MSL1: variants seen among roughly 807,000 people sequenced by gnomAD.
The protein encoded by MSL1 is male-specific lethal 1 homolog.
Under a neutral mutation model 64.6 loss-of-function variants are expected in MSL1, and 21 were observed. The ratio of observed to expected loss-of-function variants is 0.33; its 90% CI spans 0.23 to 0.47. MSL1 has a LOEUF of 0.47. Among genes scored for constraint, MSL1 ranks in the 20% least tolerant of loss-of-function variants. The probability of loss-of-function intolerance (pLI) is 1.00; values close to 1 mark genes in which losing one functional copy is unlikely to be tolerated. For synonymous variants in MSL1, 339 were observed against 329.6 expected (o/e 1.03, Z -0.31); for missense variants, 664 against 793.2 (o/e 0.84, Z 1.96).
chr17:40,133,596 A>G lies in MSL1; in HGVS notation c.1619A>G (p.Lys540Arg). 6.2e-7 allele frequency: 1 copy of G among 1,613,204 alleles called. No individual in the cohort carries two copies. The highest frequency in any genetic ancestry group is 1.1e-5 in the South Asian group (1 of 90,918). The change falls in exon 7 of 9, where the codon AAA (lysine) becomes AGA (arginine). Residue 540 changes from lysine (K) to arginine (R), a missense_variant. Physicochemically the swap from Lys to Arg is conservative, Grantham distance 26. This residue lies in a region of MSL1 where 76 missense variants were observed against 98.5 expected (regional missense o/e 0.77). Coordinates refer to ENST00000398532, the MANE Select transcript of MSL1 (RefSeq NM_001365919.1). ...CAGCGACTGCAGCTCAGAATGTATAAAAAGAAAGGAATTCAGGAATCTGAG... is the reference window on the plus strand; with the variant it reads ...CAGCGACTGCAGCTCAGAATGTATAGAAAGAAAGGAATTCAGGAATCTGAG... ...ILQRLQLRMY[K>R]KKGIQESEPE... is the part of the protein sequence containing the mutation.
intron 3 of MSL1, chr17:40,129,866 G>A: frequency 2.1e-6 from 1 of 468,888 alleles, no homozygotes; most frequent in Non-Finnish European, 3.7e-6. Context: ...TTGCCAGTAA[G>A]TTGCTCATCA....
At chr17:40,125,928 C>T (rs926226057) in intron 1 of MSL1, among the ~76,000 whole-genome samples, 2 of 152,196 alleles carry the variant, frequency 1.3e-5, no homozygotes, top group Non-Finnish European at 2.9e-5. Context: ...GAGGATCTCC[C>T]TACAGAAGAA....
chr17:40,125,598 G>A (rs1366107103), intron 1 of MSL1, among the ~76,000 whole-genome samples: 1 of 152,154 alleles, frequency 6.6e-6, no homozygotes, highest in East Asian at 1.9e-4. Context: ...GGACCACGAG[G>A]TCAAGAGATA....
Position 40,126,417 on chromosome 17 carries a change from A to AACTTTGTT in MSL1, c.992+12_992+19dup, listed in dbSNP as rs1567668774. ...AAAGGGACATAAAAGGTGTGCTGAT[A>AACTTTGTT]ACTTTGTTTGATGAGGACCCTTGTT... On this transcript the variant is annotated intron_variant, in intron 2 of 8. Coordinates refer to ENST00000398532, the MANE Select transcript of MSL1 (RefSeq NM_001365919.1). 2 of 1,611,714 alleles carry AACTTTGTT rather than the reference A, an allele frequency of 1.2e-6. No individual in the cohort carries two copies. Among genetic ancestry groups the AACTTTGTT allele is most frequent in the Non-Finnish European group, 8.5e-7 (1 of 1,177,986 alleles).
In MSL1 at chr17:40,131,986, G is replaced by A. The variant is rs1254073792; in HGVS notation, c.1424-48G>A. The stretch of plus-strand genomic sequence containing the variant: ...ATAGTTGTGCAACTTTGGATTTAAG[G>A]GTGGTTCCACCCCTCCTCCCTTTCT... On this transcript the variant is annotated intron_variant, in intron 4 of 8. Transcript: ENST00000398532. This position sits in a 1 kb window ranked among gnomAD's most constrained non-coding sequence, Gnocchi z 4.5. 1 of 1,393,154 alleles carries A rather than the reference G, an allele frequency of 7.2e-7. No individual in the cohort carries two copies. The highest frequency in any genetic ancestry group is 9.9e-7 in the Non-Finnish European group (1 of 1,007,062). The allele number at this position is 1,393,154 out of a possible 1,614,324, so 86.3% of individuals were successfully genotyped here.
rs1365204152 is a variant in MSL1 at position 40,136,352 on chromosome 17, C to T, written c.*1983C>T. 1 of 152,322 alleles carries T rather than the reference C, an allele frequency of 6.6e-6. No individual in the cohort carries two copies. The highest frequency in any genetic ancestry group is 1.5e-5 in the Non-Finnish European group (1 of 68,034). 9.4% of individuals were successfully genotyped at this position (152,322 alleles called of 1,614,324 possible). ...GTAGATTCTATTTCCTTGGTTCTCC[C>T]TCTCCCTGAGGACCTCTTATTTTAT... On this transcript the variant is annotated 3_prime_UTR_variant, in exon 9 of 9. Transcript: ENST00000398532.
intron 3 of MSL1, chr17:40,129,865 A>G: frequency 2.1e-6 from 1 of 473,256 alleles, no homozygotes; most frequent in South Asian, 3.1e-5. Context: ...TTTGCCAGTA[A>G]GTTGCTCATC....
At chr17:40,128,027 C>G (rs1383935044) in intron 2 of MSL1, among the ~76,000 whole-genome samples, 1 of 152,030 alleles carries the variant, frequency 6.6e-6, no homozygotes, top group East Asian at 1.9e-4. Context: ...GAGGCTGAGG[C>G]AGGAGAATTG....
In MSL1 at chr17:40,136,704, T is replaced by C. The variant is rs996884777; in HGVS notation, c.*2335T>C. ...TGTCTGTGTTGTAATTCATAACTTTTGATACCATTTCTGATGTGTAAAATT... is the reference window on the plus strand; with the variant it reads ...TGTCTGTGTTGTAATTCATAACTTTCGATACCATTTCTGATGTGTAAAATT... On this transcript the variant is annotated 3_prime_UTR_variant, in exon 9 of 9. Transcript: ENST00000398532. 5.3e-5 allele frequency: 8 copies of C among 152,376 alleles called. No individual in the cohort carries two copies. The highest frequency in any genetic ancestry group is 3.2e-3 in the Middle Eastern group (1 of 316). 9.4% of individuals were successfully genotyped at this position (152,376 alleles called of 1,614,324 possible). A position where few individuals can be genotyped will look rare whatever the true frequency, so the allele number is the denominator to read the frequency against.
intron 5 of MSL1, 36 bp from the exon 6 acceptor site, chr17:40,133,006 T>G (rs4794825): frequency 6.3e-7 from 1 of 1,581,678 alleles, no homozygotes. Flanking sequence ...TAATATATGG[T>G]GATAAATAGC....
chr17:40,126,417 A>G lies in MSL1; in HGVS notation c.992+11A>G, dbSNP rs140328859. 33,558 of 1,611,514 alleles carry G rather than the reference A, an allele frequency of 0.021. 404 individuals carry two copies. Among genetic ancestry groups the G allele is most frequent in the Non-Finnish European group, 0.025 (29,352 of 1,177,798 alleles). Reference sequence around the variant, plus strand: ...AAAGGGACATAAAAGGTGTGCTGATAACTTTGTTTGATGAGGACCCTTGTT... The same window carrying G: ...AAAGGGACATAAAAGGTGTGCTGATGACTTTGTTTGATGAGGACCCTTGTT... On this transcript the variant is annotated intron_variant, in intron 2 of 8. Coordinates refer to ENST00000398532, the MANE Select transcript of MSL1 (RefSeq NM_001365919.1).
In MSL1 at chr17:40,131,466, T is replaced by C; in HGVS notation, c.1376-71T>C. The C allele has an allele frequency of 7.1e-7, 1 of 1,399,242 alleles. No individual in the cohort carries two copies. Among genetic ancestry groups the C allele is most frequent in the South Asian group, 1.2e-5 (1 of 85,658 alleles). The allele number at this position is 1,399,242 out of a possible 1,614,324, so 86.7% of individuals were successfully genotyped here. A position where few individuals can be genotyped will look rare whatever the true frequency, so the allele number is the denominator to read the frequency against. Reference sequence around the variant, plus strand: ...CTAGTGAGAACTTCAGTGATGATCCTTTCCTCCATTTGGGGTATGGGCTTT... The same window carrying C: ...CTAGTGAGAACTTCAGTGATGATCCCTTCCTCCATTTGGGGTATGGGCTTT... On this transcript the variant is annotated intron_variant, in intron 3 of 8. Coordinates refer to ENST00000398532, the MANE Select transcript of MSL1 (RefSeq NM_001365919.1). The surrounding 1 kb of genome is among the most constrained non-coding windows in gnomAD (Gnocchi z 4.5).
At position 40,134,293 on chromosome 17, in the gene MSL1, C is replaced by T. The variant is rs534831593; in HGVS notation, c.1769C>T (p.Pro590Leu). The T allele has an allele frequency of 7.7e-6, 12 of 1,555,684 alleles. No homozygotes were observed. Among genetic ancestry groups the T allele is most frequent in the African/African-American group, 1.4e-5 (1 of 73,204 alleles). The change falls in exon 9 of 9, where the codon CCC becomes CTC. Residue 590 changes from proline to leucine, a missense_variant. This residue lies in a region of MSL1 where 76 missense variants were observed against 98.5 expected (regional missense o/e 0.77). Transcript: ENST00000398532. ...TTTTTTGCCAGGAATTTTGAGCTAC[C>T]CTGGTTGGATGAGCGTAGCCGATGC... ...PKLTPQNFEL[P>L]WLDERSRCRL...
rs1988504284 is a variant in MSL1, at chr17:40,134,539, C to T, written c.*170C>T. 7 of 613,548 alleles carry T rather than the reference C, an allele frequency of 1.1e-5. No homozygotes were observed. The South Asian group carries it at 1.4e-4, about 13-fold the overall frequency. 38.0% of individuals were successfully genotyped at this position (613,548 alleles called of 1,614,324 possible). On this transcript the variant is annotated 3_prime_UTR_variant, in exon 9 of 9. Coordinates refer to ENST00000398532, the MANE Select transcript of MSL1 (RefSeq NM_001365919.1). Reference sequence around the variant, plus strand: ...TACTCTGATTTCACAAAAACTCTTTCATTCGGCTAATTGTGAGTTATGGAG... The same window carrying T: ...TACTCTGATTTCACAAAAACTCTTTTATTCGGCTAATTGTGAGTTATGGAG...
At position 40,131,551 on chromosome 17, in the gene MSL1, T is replaced by A. The variant is rs778283325; in HGVS notation, c.1390T>A (p.Ser464Thr). The A allele has an allele frequency of 7.4e-6, 12 of 1,613,876 alleles. No individual in the cohort carries two copies. The Admixed American group carries it at 1.7e-4, about 22-fold the overall frequency. Residue 464 changes from serine (S) to threonine (T), a missense_variant, in exon 4 of 9, where the codon TCA (serine) becomes ACA (threonine). Ser to Thr is a moderately conservative substitution (Grantham distance 58). This residue lies in a region of MSL1 where 119 missense variants were observed against 164.3 expected (regional missense o/e 0.72). Coordinates refer to ENST00000398532, the MANE Select transcript of MSL1 (RefSeq NM_001365919.1). The surrounding 1 kb of genome is among the most constrained non-coding windows in gnomAD (Gnocchi z 4.5). ...EETVARCLMP[S>T]SVAGETSVLA... Reference sequence around the variant, plus strand: ...GCATTATTTAGGGTGTCTGATGCCATCAAGTGTTGCAGGAGAAACTTCAGT... The same window carrying A: ...GCATTATTTAGGGTGTCTGATGCCAACAAGTGTTGCAGGAGAAACTTCAGT...
At chr17:40,128,617 A>G (rs8075489) in intron 2 of MSL1, among the ~76,000 whole-genome samples, 1 of 151,386 alleles carries the variant, frequency 6.6e-6, no homozygotes, top group Non-Finnish European at 1.5e-5. Context: ...CCTGACCTCA[A>G]GTGATCCGCC....
rs377095062 is a variant in MSL1, at chr17:40,133,910, A to G, written c.1754+11A>G. 3.7e-6 allele frequency: 6 copies of G among 1,610,442 alleles called. No individual in the cohort carries two copies. The highest frequency in any genetic ancestry group is 5.1e-6 in the Non-Finnish European group (6 of 1,176,948). On this transcript the variant is annotated intron_variant, in intron 8 of 8. Coordinates refer to ENST00000398532, the MANE Select transcript of MSL1 (RefSeq NM_001365919.1). ...AAAATTAACTCCACAGTAAGTATAC[A>G]TTTTTTTTCTCCCCTTCCAGGTAAC...
chr17:40,123,011 G>A lies in MSL1; in HGVS notation c.399G>A (p.Ala133=). ...AGCSPRPKYQ[A]VLPIQTGSLV... is the part of the protein sequence containing the mutation. Reference sequence around the variant, plus strand: ...GCAGCCCCCGGCCCAAGTATCAGGCGGTGCTGCCCATTCAGACGGGCTCTC... The same window carrying A: ...GCAGCCCCCGGCCCAAGTATCAGGCAGTGCTGCCCATTCAGACGGGCTCTC... The change falls in exon 1 of 9, where the codon GCG becomes GCA. Residue 133 remains alanine, a synonymous_variant. Transcript: ENST00000398532. 6.5e-7 allele frequency: 1 copy of A among 1,531,114 alleles called. No homozygotes were observed. Among genetic ancestry groups the A allele is most frequent in the Non-Finnish European group, 8.7e-7 (1 of 1,145,144 alleles). 94.8% of individuals were successfully genotyped at this position (1,531,114 alleles called of 1,614,324 possible). A position where few individuals can be genotyped will look rare whatever the true frequency, so the allele number is the denominator to read the frequency against.
At position 40,134,677 on chromosome 17, in the gene MSL1, AG is replaced by A. The variant is rs2145137857; in HGVS notation, c.*312del. On this transcript the variant is annotated 3_prime_UTR_variant, in exon 9 of 9. Coordinates refer to ENST00000398532, the MANE Select transcript of MSL1 (RefSeq NM_001365919.1). The stretch of plus-strand genomic sequence containing the variant: ...GTTTCTATACATTTGCCTATGTTAA[AG>A]GGGTAAAAGGGCTCTCTTCATTAGA... The A allele has an allele frequency of 3.1e-6, 1 of 318,014 alleles. No individual in the cohort carries two copies. The highest frequency in any genetic ancestry group is 7.0e-5 in the East Asian group (1 of 14,304). 19.7% of individuals were successfully genotyped at this position (318,014 alleles called of 1,614,324 possible).
Sources: allele counts gnomAD v4.1 joint callset (sites outside exome capture counted in the v4.1 genomes callset), GRCh38; gene constraint gnomAD v4.1.1; regional missense constraint gnomAD v4.1.1; non-coding constraint Gnocchi (gnomAD v3.1); transcripts MANE v1.5; gene names NCBI Gene and HGNC (gene_info 2026-07-23, HGNC 2026-07-21).